RILPL1: variants seen among roughly 807,000 people sequenced by gnomAD.
The protein encoded by RILPL1 is RILP-like protein 1.
In RILPL1, 33 loss-of-function variants were observed where a neutral mutation model predicts 50.3. The ratio of observed to expected loss-of-function variants is 0.66; its 90% CI spans 0.50 to 0.88. The LOEUF (loss-of-function observed/expected upper bound fraction) is 0.88. RILPL1 is among the 40% of genes least tolerant of loss of function. The pLI is 0.00. For missense variants in RILPL1, 418 were observed against 542.5 expected, an observed-to-expected ratio of 0.77 and a Z score of 2.28; for synonymous variants, 205 against 228.6, an observed-to-expected ratio of 0.90 and a Z score of 0.93.
At chr12:123,504,000 C>CAA (rs552223986) in intron 2 of RILPL1, among the ~76,000 whole-genome samples, 2 of 104,562 alleles carry the variant, frequency 1.9e-5, no homozygotes, top group Admixed American at 1.0e-4. Context: ...GACTCTATCT[C>CAA]AAAAAAAAAA....
chr12:123,531,403 T>C (rs1410408863), intron 1 of RILPL1, among the ~76,000 whole-genome samples: 1 of 152,104 alleles, frequency 6.6e-6, no homozygotes, highest in Non-Finnish European at 1.5e-5. Context: ...AGAGCCCCAG[T>C]TGGGGGACAG....
intron 1 of RILPL1, 50 bp from the exon 2 acceptor site, chr12:123,523,695 G>A (rs1048653042): frequency 1.5e-5 from 23 of 1,579,388 alleles, no homozygotes; most frequent in South Asian, 8.0e-5. Flanking sequence ...CAGAGCAGCC[G>A]CCCCACCCAC....
Position 123,485,870 on chromosome 12 carries a change from C to CT in RILPL1, c.802-66dup. 6.7e-7 allele frequency: 1 copy of CT among 1,482,182 alleles called. No individual in the cohort carries two copies. Among genetic ancestry groups the CT allele is most frequent in the Non-Finnish European group, 9.0e-7 (1 of 1,115,558 alleles). The allele number at this position is 1,482,182 out of a possible 1,614,324, so 91.8% of individuals were successfully genotyped here. A position where few individuals can be genotyped will look rare whatever the true frequency, so the allele number is the denominator to read the frequency against. On this transcript the variant is annotated intron_variant, in intron 4 of 6. Transcript: ENST00000376874. This position sits in a 1 kb window ranked among gnomAD's most constrained non-coding sequence, Gnocchi z 4.0. ...CCACTGCCAGCACCCACTCTCTATC[C>CT]TGAAGGAGCCCAAATTCTCCCCCTC... is the stretch of plus-strand genomic sequence containing the variant.
intron 1 of RILPL1, among the ~76,000 whole-genome samples, chr12:123,525,096 C>T (rs1480700882): frequency 2.0e-5 from 3 of 152,046 alleles, no homozygotes; most frequent in African/African-American, 7.2e-5. Context: ...TATGCTACTG[C>T]ACTCCAGCCT....
intron 1 of RILPL1, among the ~76,000 whole-genome samples, chr12:123,523,994 C>A (rs1885162232): frequency 6.6e-6 from 1 of 152,190 alleles, no homozygotes; most frequent in Admixed American, 6.5e-5. Flanking sequence ...GGGGGGCACA[C>A]CCCCTGATCT....
intron 4 of RILPL1, among the ~76,000 whole-genome samples, chr12:123,495,817 A>T (rs1337031413): frequency 6.7e-6 from 1 of 148,908 alleles, no homozygotes; most frequent in Non-Finnish European, 1.5e-5. Context: ...AGTAGCTGGG[A>T]CTACAGGCGC....
chr12:123,506,111 A>AC (rs1186156889), intron 2 of RILPL1, among the ~76,000 whole-genome samples: 11 of 152,112 alleles, frequency 7.2e-5, no homozygotes, highest in African/African-American at 2.7e-4. Flanking sequence ...GACCAGGGAG[A>AC]CCCCATGCAG....
intron 2 of RILPL1, among the ~76,000 whole-genome samples, chr12:123,521,123 C>T (rs1017435390): frequency 1.3e-5 from 2 of 152,082 alleles, no homozygotes; most frequent in African/African-American, 2.4e-5. Flanking sequence ...AATGATAACC[C>T]GTAGTAATAA....
chr12:123,519,075 G>C (rs59224630), intron 2 of RILPL1, among the ~76,000 whole-genome samples: 5 of 53,632 alleles, frequency 9.3e-5, no homozygotes, highest in African/African-American at 2.5e-4. Flanking sequence ...AAAAAAAAAA[G>C]AAAAGAAAAA....
At chr12:123,513,377 G>T in intron 2 of RILPL1, 1 of 389,836 alleles carries the variant, frequency 2.6e-6, no homozygotes, top group Non-Finnish European at 5.3e-6. Context: ...CCTTGCTGGG[G>T]CTGCCTTGGC....
chr12:123,478,683 C>A (rs1881761195), intron 6 of RILPL1, among the ~76,000 whole-genome samples: 1 of 152,188 alleles, frequency 6.6e-6, no homozygotes, highest in Non-Finnish European at 1.5e-5. Flanking sequence ...GTCCTCGAGG[C>A]CAGTTCTCAT....
At chr12:123,517,122 G>A (rs1884745558) in intron 2 of RILPL1, among the ~76,000 whole-genome samples, 1 of 151,882 alleles carries the variant, frequency 6.6e-6, no homozygotes, top group South Asian at 2.1e-4. Context: ...AAAGGAGAGG[G>A]AGCTGAGACA....
At chr12:123,477,890 A>G (rs11497313) in intron 6 of RILPL1, among the ~76,000 whole-genome samples, 79,814 of 150,716 alleles carry the variant, frequency 0.53, 23,380 homozygotes, top group East Asian at 0.99. Flanking sequence ...TGCCACTGGG[A>G]ATGCTGGACT....
intron 2 of RILPL1, among the ~76,000 whole-genome samples, chr12:123,510,949 GTATGTGA>G (rs1884103479): frequency 2.0e-5 from 3 of 147,374 alleles, no homozygotes; most frequent in African/African-American, 7.6e-5. Flanking sequence ...AGGTTTGTGT[GTATGTGA>G]TGTGTGAGGT....
At chr12:123,531,961 C>A (rs528398687) in intron 1 of RILPL1, among the ~76,000 whole-genome samples, 19 of 152,318 alleles carry the variant, frequency 1.2e-4, no homozygotes, top group African/African-American at 4.3e-4. Flanking sequence ...TCCTTCCTGC[C>A]CCTAGGGCAT....
At chr12:123,503,784 G>A (rs1479836287) in intron 2 of RILPL1, among the ~76,000 whole-genome samples, 1 of 151,822 alleles carries the variant, frequency 6.6e-6, no homozygotes, top group Non-Finnish European at 1.5e-5. Context: ...GGTGGATCAC[G>A]AGGTCAGGAG....
rs1169521949 is a variant in RILPL1, at chr12:123,533,442, G to A, written c.41C>T (p.Ala14Val). The A allele has an allele frequency of 1.3e-6, 2 of 1,532,268 alleles. No homozygotes were observed. Among genetic ancestry groups the A allele is most frequent in the Non-Finnish European group, 1.8e-6 (2 of 1,136,854 alleles). 94.9% of individuals were successfully genotyped at this position (1,532,268 alleles called of 1,614,324 possible). A position where few individuals can be genotyped will look rare whatever the true frequency, so the allele number is the denominator to read the frequency against. ...ERGSALAAES[A>V]LEKNVAELTV... The stretch of plus-strand genomic sequence containing the variant: ...CAGCTCGGCCACGTTCTTCTCCAGC[G>A]CCGACTCGGCCGCCAGCGCCGACCC... The change falls in exon 1 of 7, where the codon GCG (alanine) becomes GTG (valine). Residue 14 changes from alanine to valine, a missense_variant. By Grantham distance (64) the Ala-to-Val change is moderately conservative. Transcript: ENST00000376874. The surrounding 1 kb of genome is among the most constrained non-coding windows in gnomAD (Gnocchi z 6.2).
At chr12:123,486,023 T>C (rs994580727) in intron 4 of RILPL1, among the ~76,000 whole-genome samples, 1 of 152,102 alleles carries the variant, frequency 6.6e-6, no homozygotes, top group African/African-American at 2.4e-5. Flanking sequence ...GCCTTCCCAA[T>C]AGCCGAACCC....
chr12:123,480,034 G>A (rs1186505669), intron 6 of RILPL1, among the ~76,000 whole-genome samples: 1 of 151,910 alleles, frequency 6.6e-6, no homozygotes, highest in African/African-American at 2.4e-5. Context: ...GCCCAGAGTA[G>A]AAAATTACAG....
Sources: allele counts gnomAD v4.1 joint callset (sites outside exome capture counted in the v4.1 genomes callset), GRCh38; gene constraint gnomAD v4.1.1; non-coding constraint Gnocchi (gnomAD v3.1); transcripts MANE v1.5; gene names NCBI Gene and HGNC (gene_info 2026-07-23, HGNC 2026-07-21).